The following CMIP variants were observed in gnomAD, a reference collection of about 807,000 sequenced individuals.
The protein encoded by CMIP is C-Maf-inducing protein.
A neutral mutation model predicts 97.3 loss-of-function variants in CMIP; 13 were observed. The observed-to-expected ratio is 0.13, with a 90% CI of 0.09 to 0.21. The LOEUF is 0.21. Among genes scored for constraint, CMIP ranks in the 10% least tolerant of loss-of-function variants. CMIP has a pLI of 1.00. For synonymous variants in CMIP, 538 were observed against 436.3 expected (o/e 1.23, Z -2.91); for missense variants, 847 against 1,024.9 (o/e 0.83, Z 2.37).
At chr16:81,469,766 A>C (rs551703147) in intron 1 of CMIP, among the ~76,000 whole-genome samples, 24 of 152,338 alleles carry the variant, frequency 1.6e-4, no homozygotes, top group Non-Finnish European at 2.6e-4. Flanking sequence ...ACGTTAGTTA[A>C]ACTCTACCTG....
At chr16:81,465,560 G>T (rs1184840074) in intron 1 of CMIP, among the ~76,000 whole-genome samples, 1 of 152,242 alleles carries the variant, frequency 6.6e-6, no homozygotes, top group African/African-American at 2.4e-5. Context: ...GCCTGGTTGT[G>T]GTTAGTGCTC....
At chr16:81,469,939 G>C (rs1483353897) in intron 1 of CMIP, among the ~76,000 whole-genome samples, 2 of 152,158 alleles carry the variant, frequency 1.3e-5, no homozygotes, top group African/African-American at 2.4e-5. Context: ...CCTTGACCTT[G>C]TCTGGTGTCT....
At chr16:81,547,961 G>T (rs1335063949) in intron 1 of CMIP, among the ~76,000 whole-genome samples, 1 of 152,152 alleles carries the variant, frequency 6.6e-6, no homozygotes, top group Non-Finnish European at 1.5e-5. Flanking sequence ...TCTGATCCCA[G>T]CCTCCTCTGC....
At chr16:81,479,307 T>C (rs1244864127) in intron 1 of CMIP, among the ~76,000 whole-genome samples, 2 of 152,182 alleles carry the variant, frequency 1.3e-5, no homozygotes, top group African/African-American at 4.8e-5. Flanking sequence ...AATGAATGTC[T>C]TGAGGGACTG....
chr16:81,586,937 C>G, intron 1 of CMIP, among the ~76,000 whole-genome samples: 1 of 152,180 alleles, frequency 6.6e-6, no homozygotes, highest in East Asian at 1.9e-4. Context: ...TCGCTGGATT[C>G]AAATCTGGGG....
intron 3 of CMIP, among the ~76,000 whole-genome samples, chr16:81,635,288 GT>G (rs1212311088): frequency 6.6e-6 from 1 of 151,898 alleles, no homozygotes; most frequent in Non-Finnish European, 1.5e-5. Flanking sequence ...AATTACTGAG[GT>G]TCAGAAGGCC....
intron 20 of CMIP, among the ~76,000 whole-genome samples, chr16:81,707,986 C>T (rs929882595): frequency 3.9e-5 from 6 of 152,266 alleles, no homozygotes; most frequent in South Asian, 2.1e-4. Flanking sequence ...GCCGCCAGGG[C>T]GTGCTCACTG....
chr16:81,668,537 G>T (rs538788161), intron 7 of CMIP, among the ~76,000 whole-genome samples: 7 of 152,266 alleles, frequency 4.6e-5, no homozygotes, highest in Middle Eastern at 6.8e-3. Context: ...CACCACATAT[G>T]GCCCTCAGCC....
intron 1 of CMIP, among the ~76,000 whole-genome samples, chr16:81,572,488 G>C (rs145883394): frequency 8.5e-5 from 13 of 152,356 alleles, no homozygotes; most frequent in African/African-American, 3.1e-4. Flanking sequence ...ACAGTGAGTG[G>C]ACGGGGCCAG....
chr16:81,619,941 C>T (rs950273956), intron 2 of CMIP: 9 of 152,140 alleles, frequency 5.9e-5, no homozygotes, highest in African/African-American at 2.2e-4. Flanking sequence ...AGGTGAGAGC[C>T]GCAGTGATAC....
At chr16:81,648,695 A>G (rs2092392900) in intron 3 of CMIP, among the ~76,000 whole-genome samples, 1 of 146,612 alleles carries the variant, frequency 6.8e-6, no homozygotes. Context: ...AGGCAGGAGA[A>G]TCACTTGAAC....
chr16:81,610,759 G>A lies in CMIP; in HGVS notation c.426+3067G>A, dbSNP rs1262156135. ...GGGAGGCTGGGGCGGGGTGCACTTG[G>A]CCCCTGGTGTGGTACTCAGGGCTTT... On this transcript the variant is annotated intron_variant, in intron 2 of 20. Coordinates refer to ENST00000537098, the MANE Select transcript of CMIP (RefSeq NM_198390.3). 2.0e-5 allele frequency among the ~76,000 whole-genome samples: 3 copies of A among 152,250 alleles called. No individual in the cohort carries two copies. The East Asian group carries it at 5.8e-4, about 29-fold the overall frequency.
intron 3 of CMIP, among the ~76,000 whole-genome samples, chr16:81,643,170 A>C (rs2092326242): frequency 6.6e-6 from 1 of 152,290 alleles, no homozygotes; most frequent in South Asian, 2.1e-4. Flanking sequence ...CTCGTGGAGG[A>C]GAGGAAGTGA....
At chr16:81,615,256 G>T (rs1252630815) in intron 2 of CMIP, among the ~76,000 whole-genome samples, 2 of 150,394 alleles carry the variant, frequency 1.3e-5, no homozygotes, top group African/African-American at 4.9e-5. Context: ...TGTGTGTGGT[G>T]TATGTGTCTA....
chr16:81,669,524 C>T (rs1170958080), intron 7 of CMIP, among the ~76,000 whole-genome samples: 10 of 146,706 alleles, frequency 6.8e-5, no homozygotes, highest in Admixed American at 6.7e-4. Context: ...TCCACACCCA[C>T]CTCTCACACT....
At chr16:81,553,970 C>G (rs2090712112) in intron 1 of CMIP, among the ~76,000 whole-genome samples, 1 of 152,224 alleles carries the variant, frequency 6.6e-6, no homozygotes, top group Admixed American at 6.5e-5. Flanking sequence ...TTCCAGTGGG[C>G]TGTGAACAGA....
In CMIP at chr16:81,470,793, A is replaced by G. The variant is rs141809298; in HGVS notation, c.300+25252A>G. Among the ~76,000 whole-genome samples the G allele has an allele frequency of 2.5e-3, 379 of 152,350 alleles. 4 individuals are homozygous for G. Among genetic ancestry groups the G allele is most frequent in the African/African-American group, 8.4e-3 (348 of 41,568 alleles). On this transcript the variant is annotated intron_variant, in intron 1 of 20. Transcript: ENST00000537098. ...TTTTGTAAGTAGAAAATGATTAAATATTGGTTCCATATAGTTTGTAAGTAA... is the reference window on the plus strand; with the variant it reads ...TTTTGTAAGTAGAAAATGATTAAATGTTGGTTCCATATAGTTTGTAAGTAA...
At position 81,531,032 on chromosome 16, in the gene CMIP, C is replaced by T. The variant is rs189093474; in HGVS notation, c.301-76535C>T. Among the ~76,000 whole-genome samples, 18 of 152,236 alleles carry T rather than the reference C, an allele frequency of 1.2e-4. No homozygotes were observed. The East Asian group carries it at 2.9e-3, about 24-fold the overall frequency. On this transcript the variant is annotated intron_variant, in intron 1 of 20. Transcript: ENST00000537098. ...GTTGAACTGTAGCCTTCAAAAGGCACGTTTACGCTGTAGTCTCTGTACCTG... is the reference window on the plus strand; with the variant it reads ...GTTGAACTGTAGCCTTCAAAAGGCATGTTTACGCTGTAGTCTCTGTACCTG...
intron 13 of CMIP, chr16:81,696,026 T>G: frequency 6.3e-6 from 1 of 158,374 alleles, no homozygotes; most frequent in Non-Finnish European, 1.4e-5. Context: ...AGAGGGAGAG[T>G]CAGTGCTGGG....
Sources: gnomAD v4.1 joint callset for allele counts (sites outside exome capture counted in the v4.1 genomes callset) on GRCh38, gnomAD v4.1.1 for gene constraint, MANE v1.5 for transcripts, NCBI Gene and HGNC (gene_info 2026-07-23, HGNC 2026-07-21) for gene names.